The following C8orf34 variants were observed in gnomAD, a reference collection of about 807,000 sequenced individuals.
C8orf34 encodes the protein uncharacterized protein C8orf34.
C8orf34 carries 65 observed loss-of-function variants against 68.3 expected under a neutral mutation model. That is an observed-to-expected ratio of 0.95 (90% CI 0.78 to 1.17). The LOEUF (loss-of-function observed/expected upper bound fraction) is 1.17. Among genes scored for constraint, C8orf34 ranks in the 50% most tolerant of loss-of-function variants. C8orf34 has a pLI of 0.00. For synonymous variants in C8orf34, 244 were observed against 241.2 expected (o/e 1.01, Z -0.11); for missense variants, 664 against 655.4 (o/e 1.01, Z -0.14).
chr8:68,345,648 G>A (rs1349893330), intron 1 of C8orf34, among the ~76,000 whole-genome samples: 1 of 151,632 alleles, frequency 6.6e-6, no homozygotes, highest in Non-Finnish European at 1.5e-5. Context: ...AATACAGAAA[G>A]GAATTGAATA....
intron 1 of C8orf34, among the ~76,000 whole-genome samples, chr8:68,399,950 T>C (rs1808876988): frequency 6.6e-6 from 1 of 152,170 alleles, no homozygotes; most frequent in Non-Finnish European, 1.5e-5. Flanking sequence ...TGGCCACTTG[T>C]ATGTCTTCTT....
intron 5 of C8orf34, among the ~76,000 whole-genome samples, chr8:68,515,792 A>T (rs2129633692): frequency 6.6e-6 from 1 of 152,338 alleles, no homozygotes; most frequent in African/African-American, 2.4e-5. Context: ...AAATTCTTTG[A>T]ATACTCTTTT....
chr8:68,553,693 CT>C (rs1816160096), intron 7 of C8orf34, among the ~76,000 whole-genome samples: 1 of 151,888 alleles, frequency 6.6e-6, no homozygotes, highest in Non-Finnish European at 1.5e-5. Context: ...CAGTAGCCCC[CT>C]TTTTTATTTC....
intron 9 of C8orf34, among the ~76,000 whole-genome samples, chr8:68,711,919 T>G (rs1821339962): frequency 6.6e-6 from 1 of 152,138 alleles, no homozygotes; most frequent in South Asian, 2.1e-4. Context: ...GGAAAAAATC[T>G]TAAGAGCTGT....
chr8:68,779,774 T>C (rs1823623424), intron 11 of C8orf34, among the ~76,000 whole-genome samples: 1 of 152,170 alleles, frequency 6.6e-6, no homozygotes, highest in Non-Finnish European at 1.5e-5. Context: ...TTCACGAAGG[T>C]TTACTTTCTA....
intron 12 of C8orf34, chr8:68,792,667 A>G (rs1042517583): frequency 1.3e-5 from 2 of 151,680 alleles, no homozygotes; most frequent in East Asian, 3.9e-4. Flanking sequence ...GAAAAAGACA[A>G]AGAGATATTT....
chr8:68,485,549 T>A (rs1279787370), intron 4 of C8orf34, among the ~76,000 whole-genome samples: 1 of 151,566 alleles, frequency 6.6e-6, no homozygotes, highest in African/African-American at 2.4e-5. Context: ...CCGTCTCTAC[T>A]AAAAATACAA....
chr8:68,377,789 T>G (rs1807866027), intron 1 of C8orf34, among the ~76,000 whole-genome samples: 1 of 152,128 alleles, frequency 6.6e-6, no homozygotes, highest in African/African-American at 2.4e-5. Context: ...ACTGAGTAAT[T>G]AATAAAGGAA....
intron 12 of C8orf34, among the ~76,000 whole-genome samples, chr8:68,804,703 G>A (rs777548883): frequency 3.2e-4 from 49 of 152,018 alleles, no homozygotes; most frequent in Non-Finnish European, 7.1e-4. Context: ...CACCTGAGCC[G>A]GGGAGGTCGA....
intron 7 of C8orf34, among the ~76,000 whole-genome samples, chr8:68,581,949 C>T (rs1046454099): frequency 6.6e-6 from 1 of 152,100 alleles, no homozygotes; most frequent in Non-Finnish European, 1.5e-5. Context: ...CACACACACA[C>T]AAAAGGATAG....
intron 8 of C8orf34, among the ~76,000 whole-genome samples, chr8:68,661,658 T>C (rs1388123453): frequency 1.3e-5 from 2 of 152,204 alleles, no homozygotes; most frequent in Non-Finnish European, 2.9e-5. Context: ...TTTGAATTCC[T>C]GGTCACTCTA....
intron 8 of C8orf34, among the ~76,000 whole-genome samples, chr8:68,645,117 G>T (rs1335895502): frequency 6.6e-6 from 1 of 152,100 alleles, no homozygotes; most frequent in Non-Finnish European, 1.5e-5. Flanking sequence ...ATAGAAAGAC[G>T]ATCTGCTTTG....
intron 1 of C8orf34, among the ~76,000 whole-genome samples, chr8:68,411,535 A>G (rs1469928309): frequency 6.6e-6 from 1 of 152,190 alleles, no homozygotes; most frequent in African/African-American, 2.4e-5. Context: ...CCATCAAAGA[A>G]TTAAAGTGAT....
intron 2 of C8orf34, among the ~76,000 whole-genome samples, chr8:68,442,184 G>A (rs1299903396): frequency 6.6e-6 from 1 of 152,112 alleles, no homozygotes; most frequent in Non-Finnish European, 1.5e-5. Flanking sequence ...GCCAAGACAA[G>A]TGGTTGGGGG....
intron 10 of C8orf34, among the ~76,000 whole-genome samples, chr8:68,750,241 G>T (rs1294917752): frequency 6.6e-6 from 1 of 152,040 alleles, no homozygotes; most frequent in Non-Finnish European, 1.5e-5. Flanking sequence ...ACTAATGAAT[G>T]GATAAACTAT....
At chr8:68,540,571 G>A (rs560034221) in intron 7 of C8orf34, among the ~76,000 whole-genome samples, 2 of 151,850 alleles carry the variant, frequency 1.3e-5, no homozygotes, top group Non-Finnish European at 2.9e-5. Flanking sequence ...GGCCAGGTGC[G>A]GTGGCTCACT....
intron 7 of C8orf34, among the ~76,000 whole-genome samples, chr8:68,630,945 A>ATTTTT (rs36031699): frequency 4.0e-4 from 47 of 118,342 alleles, no homozygotes; most frequent in African/African-American, 1.5e-3. Context: ...ATGCCCAGCT[A>ATTTTT]TTTTTTTTTT....
chr8:68,396,955 A>G (rs1280056037), intron 1 of C8orf34, among the ~76,000 whole-genome samples: 1 of 151,814 alleles, frequency 6.6e-6, no homozygotes, highest in Non-Finnish European at 1.5e-5. Flanking sequence ...AGCAACACAA[A>G]TGGACTAAGA....
chr8:68,677,622 C>G (rs1210213629), intron 8 of C8orf34, among the ~76,000 whole-genome samples: 2 of 152,076 alleles, frequency 1.3e-5, no homozygotes, highest in Admixed American at 1.3e-4. Context: ...TAACAAAGTG[C>G]TGGGATTGCA....
Sources: gnomAD v4.1 joint callset for allele counts (sites outside exome capture counted in the v4.1 genomes callset) on GRCh38, gnomAD v4.1.1 for gene constraint, MANE v1.5 for transcripts, NCBI Gene and HGNC (gene_info 2026-07-23, HGNC 2026-07-21) for gene names.